The following IGFBP2 variants were observed in gnomAD, a reference collection of about 807,000 sequenced individuals.
IGFBP2 encodes insulin like growth factor binding protein 2.
A neutral mutation model predicts 26.2 loss-of-function variants in IGFBP2; 12 were observed. The ratio of observed to expected loss-of-function variants is 0.46; its 90% CI spans 0.29 to 0.74. The LOEUF is 0.74. Among genes scored for constraint, IGFBP2 ranks in the 30% least tolerant of loss-of-function variants. IGFBP2 has a pLI of 0.09. For missense variants in IGFBP2, 328 were observed against 441.2 expected (o/e 0.74, Z 2.30); for synonymous variants, 189 against 200.6 (o/e 0.94, Z 0.49).
chr2:216,652,794 C>T (rs969888698), intron 1 of IGFBP2, among the ~76,000 whole-genome samples: 2 of 152,186 alleles, frequency 1.3e-5, no homozygotes, highest in African/African-American at 4.8e-5. Flanking sequence ...AGGGTGGAAC[C>T]AGGAAGCTGC....
At chr2:216,647,621 A>G (rs573606874) in intron 1 of IGFBP2, among the ~76,000 whole-genome samples, 5 of 151,820 alleles carry the variant, frequency 3.3e-5, no homozygotes, top group Non-Finnish European at 7.4e-5. Context: ...CCGGGTTTGC[A>G]CCATTCTCCT....
intron 1 of IGFBP2, among the ~76,000 whole-genome samples, chr2:216,639,340 C>G (rs979024715): frequency 6.6e-6 from 1 of 151,936 alleles, no homozygotes; most frequent in African/African-American, 2.4e-5. Context: ...CTGGCCACAA[C>G]TGTTCGATAT....
intron 1 of IGFBP2, 81 bp from the exon 2 acceptor site, chr2:216,660,476 T>G (rs1004200033): frequency 8.8e-6 from 9 of 1,023,924 alleles, no homozygotes; most frequent in Middle Eastern, 2.3e-4. Flanking sequence ...CTCATCATCA[T>G]TACGGTCCAG....
chr2:216,642,791 G>A (rs1356558887), intron 1 of IGFBP2, among the ~76,000 whole-genome samples: 1 of 152,170 alleles, frequency 6.6e-6, no homozygotes, highest in Non-Finnish European at 1.5e-5. Context: ...TGGCCTTGCT[G>A]CTCATAAGCA....
rs901939408 is a variant in IGFBP2, at chr2:216,647,731, A to G, written c.443-12826A>G. Among the ~76,000 whole-genome samples the G allele has an allele frequency of 7.9e-5, 12 of 152,292 alleles. No homozygotes were observed. The South Asian group carries it at 1.2e-3, about 16-fold the overall frequency. On this transcript the variant is annotated intron_variant, in intron 1 of 3. Transcript: ENST00000233809. ...GAGACGGGGTTTCACCATGTTAGCCAGGATGGTCTCGATTTGCTGACCTCG... is the reference window on the plus strand; with the variant it reads ...GAGACGGGGTTTCACCATGTTAGCCGGGATGGTCTCGATTTGCTGACCTCG...
At chr2:216,642,548 C>T (rs1016313942) in intron 1 of IGFBP2, among the ~76,000 whole-genome samples, 4 of 152,010 alleles carry the variant, frequency 2.6e-5, no homozygotes, top group African/African-American at 4.8e-5. Flanking sequence ...CCTTGTGATC[C>T]GCCCGCCTCG....
At chr2:216,653,858 A>G (rs1449117365) in intron 1 of IGFBP2, among the ~76,000 whole-genome samples, 1 of 152,150 alleles carries the variant, frequency 6.6e-6, no homozygotes, top group Non-Finnish European at 1.5e-5. Context: ...GGTGCTATGT[A>G]GGGAAGAAGA....
intron 1 of IGFBP2, among the ~76,000 whole-genome samples, chr2:216,659,068 G>T (rs573843120): frequency 1.2e-3 from 182 of 152,318 alleles, no homozygotes; most frequent in African/African-American, 4.3e-3. Context: ...CGGCGTGCTG[G>T]CTTCTAAAGG....
intron 1 of IGFBP2, among the ~76,000 whole-genome samples, chr2:216,658,094 A>G (rs1430484629): frequency 6.6e-6 from 1 of 152,122 alleles, no homozygotes; most frequent in African/African-American, 2.4e-5. Context: ...GCCACACACA[A>G]AATGTACCCG....
Position 216,663,937 on chromosome 2 carries a change from C to T in IGFBP2, c.814-3C>T. ...CCTCCATGCTCTTCTCCTCTCTCCC[C>T]AGTGCAAGATGTCTCTGAACGGGCA... On this transcript the variant is annotated splice_region_variant and splice_polypyrimidine_tract_variant and intron_variant, in intron 3 of 3. Coordinates refer to ENST00000233809, the MANE Select transcript of IGFBP2 (RefSeq NM_000597.3). The T allele has an allele frequency of 1.2e-6, 2 of 1,613,446 alleles. No individual in the cohort carries two copies. Among genetic ancestry groups the T allele is most frequent in the Non-Finnish European group, 1.7e-6 (2 of 1,179,678 alleles).
intron 1 of IGFBP2, among the ~76,000 whole-genome samples, chr2:216,651,112 G>A (rs2106199052): frequency 6.6e-6 from 1 of 152,222 alleles, no homozygotes; most frequent in South Asian, 2.1e-4. Context: ...AAAAAGTCAG[G>A]GGAAGACACA....
intron 1 of IGFBP2, among the ~76,000 whole-genome samples, chr2:216,655,209 G>T (rs1697896158): frequency 6.6e-6 from 1 of 152,024 alleles, no homozygotes; most frequent in Admixed American, 6.6e-5. Flanking sequence ...ACCATGCCTG[G>T]CTATTTTTTT....
chr2:216,656,696 T>C (rs1447936450), intron 1 of IGFBP2, among the ~76,000 whole-genome samples: 1 of 151,960 alleles, frequency 6.6e-6, no homozygotes, highest in Non-Finnish European at 1.5e-5. Flanking sequence ...GAGGTACACA[T>C]GAGCTGCCTT....
intron 1 of IGFBP2, among the ~76,000 whole-genome samples, chr2:216,655,409 A>G (rs1417114414): frequency 6.6e-6 from 1 of 152,066 alleles, no homozygotes; most frequent in Non-Finnish European, 1.5e-5. Flanking sequence ...ATGGTTTTAT[A>G]AGGAGCTCTT....
intron 1 of IGFBP2, among the ~76,000 whole-genome samples, chr2:216,647,520 A>T (rs1307933505): frequency 6.6e-6 from 1 of 151,874 alleles, no homozygotes; most frequent in Non-Finnish European, 1.5e-5. Context: ...TTATTTATTT[A>T]TTTATTTTAT....
intron 1 of IGFBP2, chr2:216,659,880 C>T (rs555388861): frequency 4.9e-5 from 37 of 756,848 alleles, no homozygotes; most frequent in Non-Finnish European, 7.3e-5. Flanking sequence ...GTAGCTGCCT[C>T]GGAGCAGCAC....
intron 1 of IGFBP2, among the ~76,000 whole-genome samples, chr2:216,649,787 C>G (rs1031230177): frequency 6.6e-6 from 1 of 152,134 alleles, no homozygotes; most frequent in Non-Finnish European, 1.5e-5. Context: ...TAAAGGAGCC[C>G]TTTGGAGAGT....
At chr2:216,659,677 G>T in intron 1 of IGFBP2, 4 of 1,516,602 alleles carry the variant, frequency 2.6e-6, no homozygotes, top group East Asian at 4.9e-5. Flanking sequence ...GCATACAAAA[G>T]GTTGAAGAAA....
At chr2:216,636,453 A>G (rs1314208460) in intron 1 of IGFBP2, among the ~76,000 whole-genome samples, 2 of 130,496 alleles carry the variant, frequency 1.5e-5, no homozygotes, top group Non-Finnish European at 3.3e-5. Context: ...GCAAGGATGC[A>G]GGGGTGGGGG....
Sources: allele counts gnomAD v4.1 joint callset (sites outside exome capture counted in the v4.1 genomes callset), GRCh38; gene constraint gnomAD v4.1.1; transcripts MANE v1.5; gene names NCBI Gene and HGNC (gene_info 2026-07-23, HGNC 2026-07-21).